Variants in SPIDR observed in about 807,000 individuals in gnomAD.
SPIDR encodes the protein scaffold protein involved in DNA repair, also known as DNA repair-scaffolding protein.
In SPIDR, 93 loss-of-function variants were observed where a neutral mutation model predicts 104.6. The ratio of observed to expected loss-of-function variants is 0.89; its 90% confidence interval spans 0.75 to 1.06. The LOEUF (loss-of-function observed/expected upper bound fraction) is 1.06, where lower values mean the gene tolerates loss of function less well. Ranked by LOEUF, SPIDR falls within the 50% of genes least tolerant of loss-of-function variation. The pLI, the probability that SPIDR is intolerant of heterozygous loss-of-function variation, is 0.00. For synonymous variants in SPIDR, 431 were observed against 416.9 expected (o/e 1.03, Z -0.41); for missense variants, 1,154 against 1,111.2 (o/e 1.04, Z -0.55).
chr8:47,267,753 A>G (rs1338729594), intron 1 of SPIDR, among the ~76,000 whole-genome samples: 1 of 152,192 alleles, frequency 6.6e-6, no homozygotes, highest in African/African-American at 2.4e-5. Flanking sequence ...CTGTTCCCCT[A>G]TAAGATGTAT....
intron 8 of SPIDR, among the ~76,000 whole-genome samples, chr8:47,492,701 A>C (rs895609275): frequency 6.6e-6 from 1 of 151,916 alleles, no homozygotes; most frequent in African/African-American, 2.4e-5. Flanking sequence ...CTATTATGTA[A>C]ATTTAGGAAG....
intron 12 of SPIDR, among the ~76,000 whole-genome samples, chr8:47,701,324 C>T (rs778792212): frequency 1.3e-5 from 2 of 152,038 alleles, no homozygotes; most frequent in African/African-American, 4.8e-5. Context: ...GCCAGCTACT[C>T]GGGAGGCTGA....
chr8:47,735,450 G>C lies in SPIDR; in HGVS notation c.2748G>C (p.Ter916TyrextTer7), dbSNP rs2086145714. Reference protein sequence around the residue: ...LSAGGASAEH* With the variant: ...LSAGGASAEHY ...CAGGAGGGGCCTCTGCAGAACACTAGCGGTTGCCGCAGGATCTGTGAACTT... is the reference window on the plus strand; with the variant it reads ...CAGGAGGGGCCTCTGCAGAACACTACCGGTTGCCGCAGGATCTGTGAACTT... The change falls in exon 20 of 20, where the codon TAG becomes TAC. Residue 916 changes from the stop codon to tyrosine, a stop_lost. Transcript: ENST00000297423. 1 of 1,614,082 alleles carries C rather than the reference G, an allele frequency of 6.2e-7. No homozygotes were observed. The highest frequency in any genetic ancestry group is 1.7e-5 in the Admixed American group (1 of 60,020).
intron 5 of SPIDR, among the ~76,000 whole-genome samples, chr8:47,302,927 C>G (rs1006676386): frequency 5.9e-5 from 9 of 152,220 alleles, no homozygotes; most frequent in African/African-American, 2.2e-4. Flanking sequence ...TGTCCGTTCT[C>G]AGATCTCCAG....
intron 10 of SPIDR, chr8:47,659,683 G>A (rs1315990414): frequency 6.2e-6 from 6 of 974,174 alleles, no homozygotes; most frequent in South Asian, 4.8e-5. Context: ...CGGCTCCCTT[G>A]CGCTCAGGTT....
chr8:47,544,454 C>A (rs1284123824), intron 8 of SPIDR, among the ~76,000 whole-genome samples: 1 of 152,092 alleles, frequency 6.6e-6, no homozygotes, highest in East Asian at 1.9e-4. Context: ...AGCTGTAAAT[C>A]CAAAAGATTT....
At chr8:47,626,458 A>C (rs925974729) in intron 10 of SPIDR, among the ~76,000 whole-genome samples, 3 of 152,246 alleles carry the variant, frequency 2.0e-5, no homozygotes, top group Non-Finnish European at 4.4e-5. Flanking sequence ...GGCAACCTAC[A>C]GAACGGGAGG....
intron 8 of SPIDR, among the ~76,000 whole-genome samples, chr8:47,549,958 G>A (rs2090167277): frequency 6.6e-6 from 1 of 152,068 alleles, no homozygotes; most frequent in South Asian, 2.1e-4. Context: ...TGTAAAGAAG[G>A]GATCCAGTTT....
At chr8:47,560,921 A>G (rs1328229150) in intron 8 of SPIDR, among the ~76,000 whole-genome samples, 1 of 152,228 alleles carries the variant, frequency 6.6e-6, no homozygotes, top group Admixed American at 6.5e-5. Flanking sequence ...TTCTTCGGTG[A>G]CCCCAGGGCC....
chr8:47,383,720 T>G (rs1433204264), intron 5 of SPIDR, among the ~76,000 whole-genome samples: 3 of 152,236 alleles, frequency 2.0e-5, no homozygotes, highest in African/African-American at 4.8e-5. Context: ...GTGCTCTCTT[T>G]CTATACATCC....
chr8:47,642,147 G>A (rs2069150575), intron 10 of SPIDR, among the ~76,000 whole-genome samples: 1 of 152,120 alleles, frequency 6.6e-6, no homozygotes, highest in Non-Finnish European at 1.5e-5. Context: ...CATGTGGCTG[G>A]GCACAGTGGC....
chr8:47,455,208 A>G (rs929669241), intron 8 of SPIDR, among the ~76,000 whole-genome samples: 3 of 152,148 alleles, frequency 2.0e-5, no homozygotes, highest in African/African-American at 7.2e-5. Context: ...ACGTATAAAG[A>G]TATAGTCTGT....
intron 6 of SPIDR, among the ~76,000 whole-genome samples, chr8:47,401,667 A>C (rs1241921303): frequency 6.6e-6 from 1 of 152,228 alleles, no homozygotes; most frequent in Non-Finnish European, 1.5e-5. Flanking sequence ...AACAAAAAAA[A>C]AGCAGGGGTT....
chr8:47,735,117 T>G (rs866872288), intron 19 of SPIDR, among the ~76,000 whole-genome samples, 190 bp from the exon 20 acceptor site: 2 of 139,032 alleles, frequency 1.4e-5, no homozygotes, highest in East Asian at 1.9e-4. Context: ...TGTGGGTGTG[T>G]GTGTGTGTGT....
rs376980650 is a variant in SPIDR at position 47,685,513 on chromosome 8, A to ATTTTTTTTTT, written c.1685+11575_1685+11576insTTTTTTTTTT. Among the ~76,000 whole-genome samples, 94 of 121,016 alleles carry ATTTTTTTTTT rather than the reference A, an allele frequency of 7.8e-4. 3 individuals carry two copies. The highest frequency in any genetic ancestry group is 1.1e-3 in the Admixed American group (13 of 11,606). 79.4% of individuals were successfully genotyped at this position (121,016 alleles called of 152,430 possible). The stretch of plus-strand genomic sequence containing the variant: ...TATTTATTTATTTATTTATTTATTT[A>ATTTTTTTTTT]TTTATTTTTTTGAGACAGTCTCTCT... On this transcript the variant is annotated intron_variant, in intron 11 of 19. Coordinates refer to ENST00000297423, the MANE Select transcript of SPIDR (RefSeq NM_001080394.4).
chr8:47,499,972 T>G (rs1586740410), intron 8 of SPIDR, among the ~76,000 whole-genome samples: 1 of 152,212 alleles, frequency 6.6e-6, no homozygotes, highest in African/African-American at 2.4e-5. Flanking sequence ...GGACATGAAC[T>G]CATCCTTTTT....
chr8:47,593,049 G>T (rs991772306), intron 8 of SPIDR, among the ~76,000 whole-genome samples: 36 of 151,982 alleles, frequency 2.4e-4, no homozygotes, highest in African/African-American at 8.5e-4. Context: ...ACCACGCCCA[G>T]CTAATTATGT....
chr8:47,571,040 G>A (rs970219885), intron 8 of SPIDR, among the ~76,000 whole-genome samples: 3 of 151,992 alleles, frequency 2.0e-5, no homozygotes, highest in South Asian at 2.1e-4. Flanking sequence ...GCAGTGAGCC[G>A]AGATCGCACC....
intron 8 of SPIDR, among the ~76,000 whole-genome samples, chr8:47,467,345 T>C (rs2075033594): frequency 6.6e-6 from 1 of 152,124 alleles, no homozygotes; most frequent in Non-Finnish European, 1.5e-5. Context: ...GAGGAGGGAT[T>C]CACCCCATCT....
Sources: gnomAD v4.1 joint callset for allele counts (sites outside exome capture counted in the v4.1 genomes callset) on GRCh38, gnomAD v4.1.1 for gene constraint, MANE v1.5 for transcripts, NCBI Gene and HGNC (gene_info 2026-07-23, HGNC 2026-07-21) for gene names.